Variants in JARID2 observed in about 807,000 individuals in gnomAD.
The protein encoded by JARID2 is protein Jumonji.
A neutral mutation model predicts 125.6 loss-of-function variants in JARID2; 21 were observed. The ratio of observed to expected loss-of-function variants is 0.17; its 90% CI spans 0.12 to 0.24. The LOEUF is 0.24. JARID2 is among the 10% of genes least tolerant of loss of function. JARID2 has a pLI of 1.00. For missense variants in JARID2, 1,303 were observed against 1,639.6 expected, an observed-to-expected ratio of 0.79 and a Z score of 3.55; for synonymous variants, 736 against 661.6, an observed-to-expected ratio of 1.11 and a Z score of -1.73.
At position 15,364,012 on chromosome 6, in the gene JARID2, G is replaced by C. The variant is rs186520389; in HGVS notation, c.46-10105G>C. Among the ~76,000 whole-genome samples, 36 of 152,274 alleles carry C rather than the reference G, an allele frequency of 2.4e-4. 1 individual carries two copies. The highest frequency in any genetic ancestry group is 8.7e-4 in the African/African-American group (36 of 41,540). On this transcript the variant is annotated intron_variant, in intron 1 of 17. Coordinates refer to ENST00000341776, the MANE Select transcript of JARID2 (RefSeq NM_004973.4). ...TCTGTTAGTGTGGAAATTTGCATGA[G>C]ATAGACAAAAATAAACTGGTGGTTT... is the stretch of plus-strand genomic sequence containing the variant.
intron 1 of JARID2, among the ~76,000 whole-genome samples, chr6:15,306,459 C>T (rs890158446): frequency 2.0e-5 from 3 of 151,460 alleles, no homozygotes; most frequent in Non-Finnish European, 2.9e-5. Flanking sequence ...CTCAGCCTCC[C>T]GAGTAGCTGG....
At chr6:15,424,230 A>G (rs1282703902) in intron 3 of JARID2, among the ~76,000 whole-genome samples, 1 of 150,888 alleles carries the variant, frequency 6.6e-6, no homozygotes, top group Non-Finnish European at 1.5e-5. Context: ...GGCCTCCCAA[A>G]TTTCTGGAAT....
chr6:15,362,566 T>C (rs1763836595), intron 1 of JARID2, among the ~76,000 whole-genome samples: 1 of 152,148 alleles, frequency 6.6e-6, no homozygotes, highest in African/African-American at 2.4e-5. Context: ...ATTAGGGGTG[T>C]TGGTAGTTGT....
chr6:15,259,197 C>G (rs1006248943), intron 1 of JARID2, among the ~76,000 whole-genome samples: 4 of 152,200 alleles, frequency 2.6e-5, no homozygotes, highest in Non-Finnish European at 5.9e-5. Context: ...GCCTTTTATT[C>G]TCCAGGCAAG....
intron 1 of JARID2, among the ~76,000 whole-genome samples, chr6:15,360,070 A>G (rs1763739266): frequency 6.6e-6 from 1 of 152,160 alleles, no homozygotes; most frequent in Non-Finnish European, 1.5e-5. Flanking sequence ...GTGATGTCAA[A>G]TGTAGATTTT....
chr6:15,303,091 G>A (rs1019253454), intron 1 of JARID2, among the ~76,000 whole-genome samples: 10 of 152,176 alleles, frequency 6.6e-5, no homozygotes, highest in South Asian at 2.1e-4. Flanking sequence ...GAGTAAATTC[G>A]AAGTTATGCC....
chr6:15,327,959 A>G (rs1229719203), intron 1 of JARID2, among the ~76,000 whole-genome samples: 2 of 152,054 alleles, frequency 1.3e-5, no homozygotes, highest in South Asian at 2.1e-4. Flanking sequence ...ATTATACAGT[A>G]TCTTGTTTGT....
At chr6:15,330,941 AT>A (rs1409660441) in intron 1 of JARID2, among the ~76,000 whole-genome samples, 1 of 151,254 alleles carries the variant, frequency 6.6e-6, no homozygotes, top group Non-Finnish European at 1.5e-5. Context: ...ATGTGTTGTA[AT>A]TAAGTAATTG....
At chr6:15,499,832 C>T (rs899188672) in intron 7 of JARID2, among the ~76,000 whole-genome samples, 3 of 152,126 alleles carry the variant, frequency 2.0e-5, no homozygotes, top group African/African-American at 7.2e-5. Flanking sequence ...GTGTCCCCAT[C>T]CCTGGTCTTG....
chr6:15,468,276 TG>T (rs1453583702), intron 4 of JARID2, among the ~76,000 whole-genome samples: 1 of 151,830 alleles, frequency 6.6e-6, no homozygotes, highest in Non-Finnish European at 1.5e-5. Flanking sequence ...TGGAGGTGTT[TG>T]TTTTTTTTCT....
chr6:15,485,836 TG>T (rs1232589101), intron 5 of JARID2, among the ~76,000 whole-genome samples: 1 of 152,192 alleles, frequency 6.6e-6, no homozygotes, highest in Non-Finnish European at 1.5e-5. Context: ...GATTGAATGT[TG>T]GGGAAAAGGG....
chr6:15,502,062 A>C (rs1326324619), intron 8 of JARID2, among the ~76,000 whole-genome samples: 1 of 152,178 alleles, frequency 6.6e-6, no homozygotes, highest in African/African-American at 2.4e-5. Context: ...AAGCCATCAA[A>C]ATGAATCTCA....
At chr6:15,419,287 G>T (rs1462766464) in intron 3 of JARID2, among the ~76,000 whole-genome samples, 2 of 152,120 alleles carry the variant, frequency 1.3e-5, no homozygotes, top group Non-Finnish European at 2.9e-5. Context: ...CAACTTTAGA[G>T]TTATCATGGG....
At chr6:15,468,194 T>C (rs1241152561) in intron 4 of JARID2, among the ~76,000 whole-genome samples, 2 of 150,598 alleles carry the variant, frequency 1.3e-5, no homozygotes, top group South Asian at 2.1e-4. Context: ...TTTAAGTCTA[T>C]TAATTTAGAG....
chr6:15,287,245 T>C (rs994981467), intron 1 of JARID2, among the ~76,000 whole-genome samples: 11 of 152,330 alleles, frequency 7.2e-5, no homozygotes, highest in African/African-American at 2.6e-4. Flanking sequence ...TCGGGTGAAA[T>C]GTGTGACCCC....
chr6:15,390,039 T>C (rs192585077), intron 2 of JARID2, among the ~76,000 whole-genome samples: 145 of 152,326 alleles, frequency 9.5e-4, no homozygotes, highest in African/African-American at 3.3e-3. Flanking sequence ...TTGAGTGCTT[T>C]ATTCAACAGG....
chr6:15,521,389 T>C lies in JARID2; in HGVS notation c.*1138T>C, dbSNP rs1050191014. 1 of 151,054 alleles carries C rather than the reference T, an allele frequency of 6.6e-6. No homozygotes were observed. The highest frequency in any genetic ancestry group is 1.5e-5 in the Non-Finnish European group (1 of 67,786). 9.4% of individuals were successfully genotyped at this position (151,054 alleles called of 1,614,324 possible). A position where few individuals can be genotyped will look rare whatever the true frequency, so the allele number is the denominator to read the frequency against. ...TTTGTACATATGCCTGTAAATTGTT[T>C]TAAATACTTGAGCCTTTTTCTCGGT... On this transcript the variant is annotated 3_prime_UTR_variant, in exon 18 of 18. Coordinates refer to ENST00000341776, the MANE Select transcript of JARID2 (RefSeq NM_004973.4).
intron 3 of JARID2, among the ~76,000 whole-genome samples, chr6:15,414,380 G>A (rs907133947): frequency 2.0e-5 from 3 of 152,170 alleles, no homozygotes; most frequent in African/African-American, 4.8e-5. Flanking sequence ...TTTGCTGTGT[G>A]TATTTACTGC....
chr6:15,428,000 A>C (rs1766804559), intron 3 of JARID2, among the ~76,000 whole-genome samples: 1 of 151,948 alleles, frequency 6.6e-6, no homozygotes, highest in Admixed American at 6.6e-5. Flanking sequence ...GTTTCTTCTT[A>C]CTACTGTCGC....
Sources: gnomAD v4.1 joint callset for allele counts (sites outside exome capture counted in the v4.1 genomes callset) on GRCh38, gnomAD v4.1.1 for gene constraint, MANE v1.5 for transcripts, NCBI Gene and HGNC (gene_info 2026-07-23, HGNC 2026-07-21) for gene names.